Variants in PLA2G2C observed in about 807,000 individuals in gnomAD.
The protein encoded by PLA2G2C is phospholipase A2 group IIC.
Under a neutral mutation model 14.3 loss-of-function variants are expected in PLA2G2C, and 15 were observed. The ratio of observed to expected loss-of-function variants is 1.05; its 90% CI spans 0.70 to 1.62. The LOEUF is 1.62. Among genes scored for constraint, PLA2G2C ranks in the 40% most tolerant of loss-of-function variants. PLA2G2C has a pLI of 0.00. For synonymous variants in PLA2G2C, 79 were observed against 67.7 expected, an observed-to-expected ratio of 1.17 and a Z score of -0.82; for missense variants, 162 against 173.2, an observed-to-expected ratio of 0.94 and a Z score of 0.36.
intron 4 of PLA2G2C, among the ~76,000 whole-genome samples, chr1:20,165,195 T>C (rs563266476): frequency 6.6e-6 from 1 of 152,298 alleles, no homozygotes; most frequent in East Asian, 1.9e-4. Flanking sequence ...TCTCTGGGCC[T>C]TTGGACTTGC....
chr1:20,179,681 TTCTC>T lies in PLA2G2C; in HGVS notation c.-76-2246_-76-2243del, dbSNP rs566949644. Among the ~76,000 whole-genome samples the T allele has an allele frequency of 1.4e-4, 21 of 146,654 alleles. No homozygotes were observed. The South Asian group carries it at 4.0e-3, about 28-fold the overall frequency. On this transcript the variant is annotated intron_variant, in intron 1 of 4. Transcript: ENST00000679259. ...TGTCAGCTTCTCCCTCTATGTCAGT[TTCTC>T]TCTGTGTGTGTCAGCTTCTCCCTTG...
At chr1:20,181,118 T>C (rs2018272393) in intron 1 of PLA2G2C, among the ~76,000 whole-genome samples, 1 of 152,206 alleles carries the variant, frequency 6.6e-6, no homozygotes, top group Admixed American at 6.5e-5. Context: ...ACTTTACATA[T>C]ATTTACTCAC....
At position 20,163,968 on chromosome 1, in the gene PLA2G2C, A is replaced by G; in HGVS notation, c.*23T>C. 6.2e-7 allele frequency: 1 copy of G among 1,604,094 alleles called. No homozygotes were observed. Among genetic ancestry groups the G allele is most frequent in the Non-Finnish European group, 8.5e-7 (1 of 1,174,982 alleles). ...GCAACACTAGAGCGGATGCTGGATG[A>G]TGAGAGGGACCCTGTGGTGTCCCTA... On this transcript the variant is annotated 3_prime_UTR_variant, in exon 5 of 5. Transcript: ENST00000679259.
Position 20,179,474 on chromosome 1 carries a change from A to ATGTCAGCTTCTCCCTCTG in PLA2G2C, c.-76-2036_-76-2035insCAGAGGGAGAAGCTGACA, listed in dbSNP as rs375626943. Among the ~76,000 whole-genome samples, 950 of 125,654 alleles carry ATGTCAGCTTCTCCCTCTG rather than the reference A, an allele frequency of 7.6e-3. 15 individuals are homozygous for ATGTCAGCTTCTCCCTCTG. Among genetic ancestry groups the ATGTCAGCTTCTCCCTCTG allele is most frequent in the African/African-American group, 0.028 (899 of 32,034 alleles). The allele number at this position is 125,654 out of a possible 152,430, so 82.4% of individuals were successfully genotyped here. On this transcript the variant is annotated intron_variant, in intron 1 of 4. Transcript: ENST00000679259. ...TTCTCCGTGTCAGCTTCTCCCTTGC[A>ATGTCAGCTTCTCCCTCTG]TGTCAGCTTCTCCCTTTTGTGTCAG...
intron 2 of PLA2G2C, among the ~76,000 whole-genome samples, chr1:20,177,096 G>A (rs1056761279): frequency 1.1e-4 from 17 of 152,132 alleles, no homozygotes; most frequent in Admixed American, 7.9e-4. Context: ...CAAATGGTTG[G>A]CAACCTCTGA....
rs955157379 is a variant in PLA2G2C at position 20,171,047 on chromosome 1, C to A, written c.283+1747G>T. ...CCTGGGTGCAGAGAGCCTAGGCCAGCCCTGGCGAGTGCAGCCAGCCCACAG... is the reference window on the plus strand; with the variant it reads ...CCTGGGTGCAGAGAGCCTAGGCCAGACCTGGCGAGTGCAGCCAGCCCACAG... On this transcript the variant is annotated intron_variant, in intron 4 of 4. Transcript: ENST00000679259. Among the ~76,000 whole-genome samples, 18 of 141,692 alleles carry A rather than the reference C, an allele frequency of 1.3e-4. 1 individual carries two copies. Among genetic ancestry groups the A allele is most frequent in the Admixed American group, 1.2e-3 (18 of 14,590 alleles). 93.0% of individuals were successfully genotyped at this position (141,692 alleles called of 152,430 possible).
intron 2 of PLA2G2C, 55 bp downstream of exon 2, chr1:20,177,269 T>C (rs1194367277): frequency 4.3e-6 from 3 of 700,150 alleles, no homozygotes; most frequent in Non-Finnish European, 5.2e-6. Context: ...CCCCTCCCAC[T>C]GACATAAACA....
chr1:20,168,921 C>T (rs554339209), intron 4 of PLA2G2C, among the ~76,000 whole-genome samples: 76 of 152,208 alleles, frequency 5.0e-4, no homozygotes, highest in Non-Finnish European at 1.0e-3. Context: ...AAATTGGGCC[C>T]TGGGCTCTGG....
intron 1 of PLA2G2C, among the ~76,000 whole-genome samples, chr1:20,183,467 T>C (rs2018308458): frequency 6.6e-6 from 1 of 152,226 alleles, no homozygotes; most frequent in Non-Finnish European, 1.5e-5. Context: ...AAAATTGCTC[T>C]GCTGCTCCTT....
chr1:20,179,858 T>G (rs2018253127), intron 1 of PLA2G2C, among the ~76,000 whole-genome samples: 1 of 151,700 alleles, frequency 6.6e-6, no homozygotes, highest in Non-Finnish European at 1.5e-5. Flanking sequence ...CTCCCTTGTG[T>G]GTCAGCTTCT....
rs374046576 is a variant in PLA2G2C, at chr1:20,172,812, C to T, written c.265G>A (p.Val89Ile). Residue 89 changes from valine (V) to isoleucine (I), a missense_variant, in exon 4 of 5, where the codon GTC becomes ATC. Transcript: ENST00000679259. ...PVLNSYQFHI[V>I]NGAVVCGCTL... ...TACTCACAAACCACTGCGCCATTGA[C>T]GATGTGGAACTGGTAGCTGTTCAAC... 1.6e-4 allele frequency: 259 copies of T among 1,613,674 alleles called. 3 individuals carry two copies. The South Asian group carries it at 2.5e-3, about 16-fold the overall frequency.
chr1:20,172,660 G>T, intron 4 of PLA2G2C, 134 bp downstream of exon 4: 1 of 767,794 alleles, frequency 1.3e-6, no homozygotes, highest in Non-Finnish European at 2.1e-6. Flanking sequence ...AGCATCAGGA[G>T]AAAGCTCAGG....
At chr1:20,184,193 A>ACATG (rs1289438663) in intron 1 of PLA2G2C, 5 of 107,412 alleles carry the variant, frequency 4.7e-5, no homozygotes, top group Admixed American at 3.9e-4. Flanking sequence ...GTGCGTGCGC[A>ACATG]CACGCACACA....
At chr1:20,170,528 C>T (rs2018053873) in intron 4 of PLA2G2C, among the ~76,000 whole-genome samples, 1 of 152,182 alleles carries the variant, frequency 6.6e-6, no homozygotes, top group Non-Finnish European at 1.5e-5. Context: ...TCGCTCAATA[C>T]TGGGGCAAGT....
At chr1:20,176,467 T>C (rs763194961) in intron 2 of PLA2G2C, among the ~76,000 whole-genome samples, 4 of 152,060 alleles carry the variant, frequency 2.6e-5, no homozygotes, top group Non-Finnish European at 5.9e-5. Flanking sequence ...GAAACAGAAA[T>C]AGAGTTTGGG....
intron 4 of PLA2G2C, among the ~76,000 whole-genome samples, chr1:20,167,518 T>G (rs535125525): frequency 6.6e-6 from 1 of 152,192 alleles, no homozygotes; most frequent in Non-Finnish European, 1.5e-5. Context: ...TGCCGACATC[T>G]GACACTTCCC....
chr1:20,164,170 A>G lies in PLA2G2C; in HGVS notation c.284-13T>C, dbSNP rs1262046096. 1.9e-6 allele frequency: 3 copies of G among 1,607,224 alleles called. No individual in the cohort carries two copies. Among genetic ancestry groups the G allele is most frequent in the Non-Finnish European group, 2.5e-6 (3 of 1,176,678 alleles). On this transcript the variant is annotated splice_polypyrimidine_tract_variant and intron_variant, in intron 4 of 4. Transcript: ENST00000679259. ...AGGGTGCATCCACCTACAGAGACAC[A>G]GAGGGTCACTGGGGGCTCCCAGCCC... is the stretch of plus-strand genomic sequence containing the variant.
At chr1:20,165,103 A>G (rs1014884543) in intron 4 of PLA2G2C, among the ~76,000 whole-genome samples, 3 of 151,722 alleles carry the variant, frequency 2.0e-5, no homozygotes, top group African/African-American at 4.8e-5. Context: ...CTCCACCCTC[A>G]TCGCCCTCCC....
At chr1:20,184,400 T>C (rs1194639696) in intron 1 of PLA2G2C, 3 of 152,246 alleles carry the variant, frequency 2.0e-5, no homozygotes, top group African/African-American at 4.8e-5. Flanking sequence ...CAGCACTCAG[T>C]TGCAAAACCA....
Sources: gnomAD v4.1 joint callset for allele counts (sites outside exome capture counted in the v4.1 genomes callset) on GRCh38, gnomAD v4.1.1 for gene constraint, MANE v1.5 for transcripts, NCBI Gene and HGNC (gene_info 2026-07-23, HGNC 2026-07-21) for gene names.